The following FOXP1 variants were observed in gnomAD, a reference collection of about 807,000 sequenced individuals.
The protein encoded by FOXP1 is forkhead box P1, also known as forkhead box protein P1.
FOXP1 carries 15 observed loss-of-function variants against 98.2 expected under a neutral mutation model. That is an observed-to-expected ratio of 0.15 (90% confidence interval 0.10 to 0.24). The LOEUF is 0.24. FOXP1 is among the 10% of genes least tolerant of loss of function. The pLI, the probability that FOXP1 is intolerant of heterozygous loss-of-function variation, is 1.00. For synonymous variants in FOXP1, 371 were observed against 314.5 expected, an observed-to-expected ratio of 1.18 and a Z score of -1.90; for missense variants, 633 against 848.5, an observed-to-expected ratio of 0.75 and a Z score of 3.15.
intron 5 of FOXP1, among the ~76,000 whole-genome samples, chr3:71,258,053 C>T (rs374199776): frequency 6.6e-6 from 1 of 152,154 alleles, no homozygotes; most frequent in Non-Finnish European, 1.5e-5. Context: ...GGAGCGCCTA[C>T]GAATATCTAC....
intron 14 of FOXP1, among the ~76,000 whole-genome samples, chr3:70,980,370 C>T (rs1262741920): frequency 1.3e-5 from 2 of 152,136 alleles, no homozygotes; most frequent in Non-Finnish European, 2.9e-5. Context: ...AATCTCAGAG[C>T]GCTTTGGAAA....
chr3:71,095,652 A>T (rs1326104745), intron 7 of FOXP1, among the ~76,000 whole-genome samples: 1 of 152,148 alleles, frequency 6.6e-6, no homozygotes, highest in Admixed American at 6.5e-5. Context: ...TGAATGAGGT[A>T]TGCCCTAAAC....
At chr3:71,524,954 T>C (rs537427129) in intron 2 of FOXP1, among the ~76,000 whole-genome samples, 12 of 152,288 alleles carry the variant, frequency 7.9e-5, no homozygotes, top group African/African-American at 2.6e-4. Context: ...GGACACTTGA[T>C]TGAATACCAC....
intron 7 of FOXP1, among the ~76,000 whole-genome samples, chr3:71,112,067 T>C (rs1184406894): frequency 5.1e-5 from 6 of 117,500 alleles, no homozygotes; most frequent in Non-Finnish European, 9.6e-5. Flanking sequence ...CTGCTAGTTG[T>C]GGCAACGAAA....
intron 3 of FOXP1, among the ~76,000 whole-genome samples, chr3:71,466,842 G>T: frequency 6.6e-6 from 1 of 152,190 alleles, no homozygotes; most frequent in Non-Finnish European, 1.5e-5. Context: ...GCAGGTACAA[G>T]CTCTAAACAC....
At chr3:71,028,938 C>G (rs2046484645) in intron 11 of FOXP1, among the ~76,000 whole-genome samples, 1 of 152,176 alleles carries the variant, frequency 6.6e-6, no homozygotes, top group South Asian at 2.1e-4. Flanking sequence ...TAATGCCTCG[C>G]TGATCTGATA....
intron 5 of FOXP1, among the ~76,000 whole-genome samples, chr3:71,267,835 T>C (rs1322613671): frequency 6.6e-6 from 1 of 151,906 alleles, no homozygotes; most frequent in Non-Finnish European, 1.5e-5. Context: ...CTGGCCAATA[T>C]GGTGAAACCC....
At chr3:71,280,126 C>CA (rs56674677) in intron 5 of FOXP1, among the ~76,000 whole-genome samples, 1,069 of 106,128 alleles carry the variant, frequency 0.01, 6 homozygotes, top group South Asian at 0.015. Flanking sequence ...CTGTCTCAAA[C>CA]AAAAAAAAAA....
At chr3:71,017,135 C>T (rs1043895200) in intron 11 of FOXP1, among the ~76,000 whole-genome samples, 3 of 151,920 alleles carry the variant, frequency 2.0e-5, no homozygotes, top group African/African-American at 7.3e-5. Flanking sequence ...TTTATGAAGC[C>T]AAACAATAAA....
intron 18 of FOXP1, chr3:70,972,275 G>T (rs773258401): frequency 1.7e-6 from 2 of 1,179,362 alleles, no homozygotes; most frequent in Non-Finnish European, 2.3e-6. Context: ...ACAGGAAAAA[G>T]AAAATAAAAT....
At chr3:71,137,339 C>T (rs2059866833) in intron 6 of FOXP1, among the ~76,000 whole-genome samples, 2 of 152,102 alleles carry the variant, frequency 1.3e-5, no homozygotes, top group South Asian at 4.2e-4. Flanking sequence ...CACAGCAAAA[C>T]ATCCTCGCCA....
At chr3:71,063,678 T>G (rs960563113) in intron 7 of FOXP1, among the ~76,000 whole-genome samples, 3 of 152,252 alleles carry the variant, frequency 2.0e-5, no homozygotes, top group Non-Finnish European at 2.9e-5. Flanking sequence ...CATTTCCTGT[T>G]ATCAGGCTTA....
At chr3:71,451,560 TC>T (rs1447740655) in intron 3 of FOXP1, among the ~76,000 whole-genome samples, 1 of 152,028 alleles carries the variant, frequency 6.6e-6, no homozygotes, top group Non-Finnish European at 1.5e-5. Flanking sequence ...CCCCCAGTAA[TC>T]CTTTCATTGA....
intron 3 of FOXP1, among the ~76,000 whole-genome samples, chr3:71,391,208 A>G (rs1381905083): frequency 6.6e-6 from 1 of 152,236 alleles, no homozygotes; most frequent in East Asian, 1.9e-4. Context: ...TTCAATATTA[A>G]GAGTCAATTT....
intron 5 of FOXP1, among the ~76,000 whole-genome samples, chr3:71,287,815 G>A (rs2072314020): frequency 6.6e-6 from 1 of 152,024 alleles, no homozygotes; most frequent in Non-Finnish European, 1.5e-5. Context: ...ATAACATTAG[G>A]ATTTAGTTAC....
chr3:71,368,011 T>C (rs536644716), intron 3 of FOXP1, among the ~76,000 whole-genome samples: 1 of 152,348 alleles, frequency 6.6e-6, no homozygotes, highest in South Asian at 2.1e-4. Flanking sequence ...GAATATTTCA[T>C]TTGATGACAT....
intron 3 of FOXP1, among the ~76,000 whole-genome samples, chr3:71,479,329 A>C (rs2090093642): frequency 6.6e-6 from 1 of 152,254 alleles, no homozygotes; most frequent in Admixed American, 6.5e-5. Context: ...AAGTAGGTTA[A>C]GAACAGTCAC....
At chr3:71,445,114 C>G (rs1577552677) in intron 3 of FOXP1, among the ~76,000 whole-genome samples, 1 of 152,136 alleles carries the variant, frequency 6.6e-6, no homozygotes, top group East Asian at 1.9e-4. Flanking sequence ...ACCTTTAGTC[C>G]TTAGTGTTCT....
At chr3:71,496,997 C>T (rs76187633) in intron 2 of FOXP1, among the ~76,000 whole-genome samples, 42,104 of 150,840 alleles carry the variant, frequency 0.28, 6,231 homozygotes, top group Non-Finnish European at 0.33. Context: ...GTTAAGAATT[C>T]AACAGTCACA....
Sources: gnomAD v4.1 joint callset for allele counts (sites outside exome capture counted in the v4.1 genomes callset) on GRCh38, gnomAD v4.1.1 for gene constraint, MANE v1.5 for transcripts, NCBI Gene and HGNC (gene_info 2026-07-23, HGNC 2026-07-21) for gene names.